RIMS2: variants seen among roughly 807,000 people sequenced by gnomAD.
RIMS2 encodes regulating synaptic membrane exocytosis protein 2.
Under a neutral mutation model 174.4 loss-of-function variants are expected in RIMS2, and 59 were observed. The ratio of observed to expected loss-of-function variants is 0.34; its 90% CI spans 0.27 to 0.42. The LOEUF (loss-of-function observed/expected upper bound fraction) is 0.42, where lower values mean the gene tolerates loss of function less well. Ranked by LOEUF, RIMS2 falls within the 10% of genes least tolerant of loss-of-function variation. The probability of loss-of-function intolerance (pLI) is 1.00; values close to 1 mark genes in which losing one functional copy is unlikely to be tolerated. For missense variants in RIMS2, 1,620 were observed against 1,666.3 expected (o/e 0.97, Z 0.48); for synonymous variants, 606 against 572.5 (o/e 1.06, Z -0.84).
chr8:104,130,746 C>A (rs940667874), intron 19 of RIMS2, among the ~76,000 whole-genome samples: 5 of 151,914 alleles, frequency 3.3e-5, no homozygotes, highest in African/African-American at 9.7e-5. Context: ...CAAAGTTATC[C>A]CAGCTAGAGG....
chr8:104,156,671 AAATT>A (rs2098726204), intron 19 of RIMS2, among the ~76,000 whole-genome samples: 1 of 152,222 alleles, frequency 6.6e-6, no homozygotes, highest in African/African-American at 2.4e-5. Context: ...ATTTATAAAT[AAATT>A]TTTACAGAAC....
chr8:103,822,536 C>A (rs7830130), intron 3 of RIMS2, among the ~76,000 whole-genome samples: 1,566 of 151,840 alleles, frequency 0.01, 29 homozygotes, highest in African/African-American at 0.036. Context: ...ATATTTTAGA[C>A]TAACTTTTTG....
intron 19 of RIMS2, among the ~76,000 whole-genome samples, chr8:104,101,865 T>C (rs1389150252): frequency 2.6e-5 from 4 of 152,170 alleles, no homozygotes; most frequent in Non-Finnish European, 5.9e-5. Context: ...ATTGCCAATC[T>C]CTTCTTGAAA....
rs528163965 is a variant in RIMS2 at position 103,814,194 on chromosome 8, T to C, written c.698+47657T>C. ...TTCTCACTTATAAATGGGAGCTACA[T>C]GATGAGAACACGTGGACACATAGAG... On this transcript the variant is annotated intron_variant, in intron 3 of 23. Coordinates refer to ENST00000504942, the Ensembl canonical transcript of RIMS2. Among the ~76,000 whole-genome samples, 12 of 152,178 alleles carry C rather than the reference T, an allele frequency of 7.9e-5. No homozygotes were observed. The South Asian group carries it at 2.5e-3, about 32-fold the overall frequency.
intron 1 of RIMS2, among the ~76,000 whole-genome samples, chr8:103,587,417 A>AAAGC (rs2093991845): frequency 1.8e-3 from 124 of 70,830 alleles, no homozygotes; most frequent in Non-Finnish European, 3.5e-3. Flanking sequence ...AAGAAGAAAG[A>AAAGC]AAGAAAGAAA....
intron 3 of RIMS2, among the ~76,000 whole-genome samples, chr8:103,833,632 G>A (rs1022867755): frequency 1.3e-5 from 2 of 151,650 alleles, no homozygotes; most frequent in Non-Finnish European, 2.9e-5. Flanking sequence ...TCTTATCAGA[G>A]GTAAAGCTCA....
chr8:103,505,169 C>T (rs1822833548), intron 1 of RIMS2, among the ~76,000 whole-genome samples: 1 of 152,004 alleles, frequency 6.6e-6, no homozygotes, highest in Admixed American at 6.6e-5. Context: ...TCTTAGCTAC[C>T]TATTTCCCCT....
At chr8:103,770,386 G>T (rs2098237759) in intron 3 of RIMS2, among the ~76,000 whole-genome samples, 1 of 152,138 alleles carries the variant, frequency 6.6e-6, no homozygotes, top group Non-Finnish European at 1.5e-5. Context: ...GACCAGCATG[G>T]CCAACTTGGT....
chr8:104,031,845 G>C (rs2096400423), intron 19 of RIMS2, among the ~76,000 whole-genome samples: 1 of 152,088 alleles, frequency 6.6e-6, no homozygotes, highest in African/African-American at 2.4e-5. Context: ...AAATGCGTGT[G>C]TGCTTGTTGT....
At chr8:103,885,556 A>G in exon 4 of RIMS2, 3 of 1,612,848 alleles carry the variant, frequency 1.9e-6, no homozygotes, top group Non-Finnish European at 2.5e-6. Context: ...GCAGAGATGA[A>G]TACGAAAGGC....
chr8:104,116,951 C>A (rs1266210045), intron 19 of RIMS2, among the ~76,000 whole-genome samples: 1 of 151,624 alleles, frequency 6.6e-6, no homozygotes, highest in African/African-American at 2.4e-5. Context: ...TGAGTAACAT[C>A]AATAACTATT....
chr8:103,639,601 G>T (rs2096178582), intron 1 of RIMS2, among the ~76,000 whole-genome samples: 1 of 151,798 alleles, frequency 6.6e-6, no homozygotes, highest in Admixed American at 6.6e-5. Context: ...TTGATATTTA[G>T]TCATGCTGTT....
intron 19 of RIMS2, among the ~76,000 whole-genome samples, chr8:104,215,766 C>T (rs1391223471): frequency 6.6e-6 from 1 of 152,178 alleles, no homozygotes; most frequent in Non-Finnish European, 1.5e-5. Flanking sequence ...GAACAGAATG[C>T]GTGAGCAGGG....
chr8:103,504,534 T>C (rs886132200), intron 1 of RIMS2, among the ~76,000 whole-genome samples: 6 of 152,170 alleles, frequency 3.9e-5, no homozygotes, highest in South Asian at 4.1e-4. Context: ...GAGTTTCTAA[T>C]ATGTACATAT....
At chr8:103,834,463 A>G (rs1445603039) in intron 3 of RIMS2, among the ~76,000 whole-genome samples, 2 of 151,412 alleles carry the variant, frequency 1.3e-5, no homozygotes, top group Non-Finnish European at 2.9e-5. Context: ...CGGCCTCCCA[A>G]AGTACTGGGA....
At chr8:104,051,692 G>A (rs1304372750) in intron 19 of RIMS2, among the ~76,000 whole-genome samples, 1 of 152,026 alleles carries the variant, frequency 6.6e-6, no homozygotes, top group Non-Finnish European at 1.5e-5. Context: ...GAGAAAGAAG[G>A]TTCATTTCAT....
chr8:104,213,207 G>A (rs988000202), intron 19 of RIMS2, among the ~76,000 whole-genome samples: 3 of 152,210 alleles, frequency 2.0e-5, no homozygotes, highest in African/African-American at 7.2e-5. Context: ...AGCTACTCAG[G>A]AGGCTGAGGC....
At chr8:103,722,962 A>G (rs2097473219) in intron 2 of RIMS2, among the ~76,000 whole-genome samples, 1 of 152,118 alleles carries the variant, frequency 6.6e-6, no homozygotes, top group South Asian at 2.1e-4. Flanking sequence ...AAATGCAACA[A>G]TTAGCCGGGC....
At chr8:103,915,647 A>G in intron 7 of RIMS2, 53 bp downstream of exon 10, 1 of 846,248 alleles carries the variant, frequency 1.2e-6, no homozygotes, top group Non-Finnish European at 1.9e-6. Flanking sequence ...TTTAGTAGTT[A>G]TGAGTTATTT....
Sources: gnomAD v4.1 joint callset for allele counts (sites outside exome capture counted in the v4.1 genomes callset) on GRCh38, gnomAD v4.1.1 for gene constraint, MANE v1.5 for transcripts, NCBI Gene and HGNC (gene_info 2026-07-23, HGNC 2026-07-21) for gene names.